PIBF1: variants seen among roughly 807,000 people sequenced by gnomAD.
The protein encoded by PIBF1 is progesterone-induced-blocking factor 1.
In PIBF1, 90 loss-of-function variants were observed where a neutral mutation model predicts 112.5. That is an observed-to-expected ratio of 0.80 (90% CI 0.67 to 0.95). The LOEUF (loss-of-function observed/expected upper bound fraction) is 0.95. Ranked by LOEUF, PIBF1 falls within the 40% of genes least tolerant of loss-of-function variation. PIBF1 has a pLI of 0.00. For missense variants in PIBF1, 915 were observed against 852.3 expected (o/e 1.07, Z -0.92); for synonymous variants, 301 against 288.6 (o/e 1.04, Z -0.44).
chr13:72,845,323 C>T (rs538711133), intron 9 of PIBF1, among the ~76,000 whole-genome samples: 2 of 152,232 alleles, frequency 1.3e-5, no homozygotes, highest in Non-Finnish European at 1.5e-5. Flanking sequence ...GATCTCATTC[C>T]TTTTTATGGC....
chr13:72,988,749 A>G (rs1315115704), intron 16 of PIBF1, among the ~76,000 whole-genome samples: 1 of 152,200 alleles, frequency 6.6e-6, no homozygotes, highest in Non-Finnish European at 1.5e-5. Flanking sequence ...AAGTGAAATT[A>G]TCTGAGGCTG....
chr13:72,993,947 A>G (rs757931791), intron 16 of PIBF1, among the ~76,000 whole-genome samples: 25 of 152,036 alleles, frequency 1.6e-4, no homozygotes, highest in Admixed American at 2.6e-4. Flanking sequence ...CACAGTCTCT[A>G]CAAAAAGTTA....
intron 10 of PIBF1, among the ~76,000 whole-genome samples, chr13:72,858,173 C>G (rs2038529537): frequency 6.6e-6 from 1 of 151,756 alleles, no homozygotes; most frequent in African/African-American, 2.4e-5. Flanking sequence ...TGCTTCAGCC[C>G]CCTGAGTAGC....
chr13:72,927,964 T>TAC (rs540961235), intron 13 of PIBF1, among the ~76,000 whole-genome samples: 7,735 of 80,012 alleles, frequency 0.097, 864 homozygotes, highest in African/African-American at 0.3. Context: ...TATATACACA[T>TAC]ATATATATAT....
At position 72,965,411 on chromosome 13, in the gene PIBF1, C is replaced by A. The variant is rs750707915; in HGVS notation, c.1964+7C>A. 5 of 1,595,220 alleles carry A rather than the reference C, an allele frequency of 3.1e-6. No homozygotes were observed. The highest frequency in any genetic ancestry group is 4.3e-6 in the Non-Finnish European group (5 of 1,171,654). On this transcript the variant is annotated splice_region_variant and intron_variant, in intron 15 of 17. Transcript: ENST00000326291. ...AACTTGAGAAAGATGTCAGGTAAAC[C>A]ATCTACAAATCTTTTATTTGAATAA...
chr13:72,894,772 AGTGTGTGTGTGTGTGTGT>A (rs35885902), intron 11 of PIBF1, among the ~76,000 whole-genome samples: 1 of 137,216 alleles, frequency 7.3e-6, no homozygotes, highest in Non-Finnish European at 1.5e-5. Context: ...ATATATATAT[AGTGTGTGTGTGTGTGTGT>A]GTGTGTGTGT....
At chr13:72,911,335 C>T (rs1268184078) in intron 12 of PIBF1, among the ~76,000 whole-genome samples, 1 of 152,126 alleles carries the variant, frequency 6.6e-6, no homozygotes, top group Non-Finnish European at 1.5e-5. Context: ...GAAACAGATC[C>T]ATACTTAAAT....
intron 5 of PIBF1, among the ~76,000 whole-genome samples, chr13:72,812,455 G>A (rs2138068745): frequency 6.6e-6 from 1 of 152,206 alleles, no homozygotes; most frequent in East Asian, 1.9e-4. Context: ...CAACTGTCCA[G>A]GCACAGTGGC....
intron 10 of PIBF1, among the ~76,000 whole-genome samples, chr13:72,876,738 T>C (rs2039426214): frequency 6.6e-6 from 1 of 152,184 alleles, no homozygotes; most frequent in African/African-American, 2.4e-5. Context: ...CATGCAGATA[T>C]ACAGGAAAGT....
At chr13:72,996,354 T>C (rs976867243) in intron 16 of PIBF1, among the ~76,000 whole-genome samples, 3 of 151,510 alleles carry the variant, frequency 2.0e-5, no homozygotes, top group Non-Finnish European at 4.4e-5. Context: ...GCAAAAATCC[T>C]AAAAGGTAAC....
intron 5 of PIBF1, among the ~76,000 whole-genome samples, chr13:72,804,179 A>G (rs2035615367): frequency 6.6e-6 from 1 of 152,088 alleles, no homozygotes. Context: ...AAAAGAGTAA[A>G]TTTTCCTCTT....
At position 72,914,595 on chromosome 13, in the gene PIBF1, A is replaced by G. The variant is rs994515788; in HGVS notation, c.1640-2481A>G. Reference sequence around the variant, plus strand: ...TACTATCAATAGGCTAGTAATTTCTATAGTTAGACACAGGGTCTCACTGTG... The same window carrying G: ...TACTATCAATAGGCTAGTAATTTCTGTAGTTAGACACAGGGTCTCACTGTG... On this transcript the variant is annotated intron_variant, in intron 12 of 17. Transcript: ENST00000326291. Among the ~76,000 whole-genome samples the G allele has an allele frequency of 1.9e-4, 29 of 152,086 alleles. 1 individual carries two copies. The highest frequency in any genetic ancestry group is 1.5e-3 in the Admixed American group (23 of 15,252).
Position 73,000,209 on chromosome 13 carries a change from G to C in PIBF1, c.2223+1214G>C, listed in dbSNP as rs111581434. On this transcript the variant is annotated intron_variant, in intron 17 of 17. Coordinates refer to ENST00000326291, the MANE Select transcript of PIBF1 (RefSeq NM_006346.4). The stretch of plus-strand genomic sequence containing the variant: ...CTCTGTAGTACATCAGCTTCTCTTT[G>C]TTTCTCCTCTAGTTTCTGCTTACTC... Among the ~76,000 whole-genome samples, 646 of 152,220 alleles carry C rather than the reference G, an allele frequency of 4.2e-3. 9 individuals are homozygous for C. Among genetic ancestry groups the C allele is most frequent in the African/African-American group, 0.014 (601 of 41,528 alleles).
At chr13:72,821,818 T>C in intron 5 of PIBF1, 31 bp from the exon 6 acceptor site, 1 of 1,569,470 alleles carries the variant, frequency 6.4e-7, no homozygotes, top group Non-Finnish European at 8.7e-7. Context: ...GTGTTTAGTC[T>C]GAAATGTGTT....
chr13:73,002,658 T>C (rs545825948), intron 17 of PIBF1, among the ~76,000 whole-genome samples: 1 of 152,254 alleles, frequency 6.6e-6, no homozygotes, highest in South Asian at 2.1e-4. Context: ...ACTCTACTTT[T>C]AGTCTTTTCA....
chr13:72,845,009 A>G (rs73524232), intron 9 of PIBF1, among the ~76,000 whole-genome samples: 3,138 of 152,012 alleles, frequency 0.021, 109 homozygotes, highest in African/African-American at 0.071. Context: ...CTATGATACA[A>G]ATGCAGAACA....
intron 16 of PIBF1, among the ~76,000 whole-genome samples, chr13:72,992,846 G>A (rs1338444444): frequency 6.6e-6 from 1 of 151,712 alleles, no homozygotes; most frequent in African/African-American, 2.4e-5. Flanking sequence ...GAAAACATGT[G>A]AGCTGGTCCT....
intron 15 of PIBF1, among the ~76,000 whole-genome samples, chr13:72,968,788 G>A (rs1412664065): frequency 6.6e-6 from 1 of 152,096 alleles, no homozygotes; most frequent in African/African-American, 2.4e-5. Context: ...TGAAATGAGA[G>A]TGGTGCCGAG....
chr13:72,928,128 T>C (rs1176827366), intron 13 of PIBF1, among the ~76,000 whole-genome samples: 1 of 150,008 alleles, frequency 6.7e-6, no homozygotes, highest in Non-Finnish European at 1.5e-5. Context: ...CCATATATAC[T>C]GGAGACCAAT....
Sources: gnomAD v4.1 joint callset for allele counts (sites outside exome capture counted in the v4.1 genomes callset) on GRCh38, gnomAD v4.1.1 for gene constraint, MANE v1.5 for transcripts, NCBI Gene and HGNC (gene_info 2026-07-23, HGNC 2026-07-21) for gene names.